TANGO6: variants seen among roughly 807,000 people sequenced by gnomAD.
TANGO6 encodes transport and Golgi organization protein 6 homolog.
A neutral mutation model predicts 114.2 loss-of-function variants in TANGO6; 90 were observed. That is an observed-to-expected ratio of 0.79 (90% CI 0.66 to 0.94). The LOEUF (loss-of-function observed/expected upper bound fraction) is 0.94. Ranked by LOEUF, TANGO6 falls within the 40% of genes least tolerant of loss-of-function variation. The pLI is 0.00. For missense variants in TANGO6, 1,274 were observed against 1,315.3 expected, an observed-to-expected ratio of 0.97 and a Z score of 0.49; for synonymous variants, 477 against 509.8, an observed-to-expected ratio of 0.94 and a Z score of 0.87.
chr16:69,021,886 C>CT (rs757995347), intron 15 of TANGO6, among the ~76,000 whole-genome samples: 1,737 of 127,848 alleles, frequency 0.014, 26 homozygotes, highest in African/African-American at 0.037. Context: ...ATTTTTTTTT[C>CT]TTTTTTTTTT....
At chr16:68,847,151 A>G (rs1441286474) in intron 1 of TANGO6, among the ~76,000 whole-genome samples, 1 of 152,124 alleles carries the variant, frequency 6.6e-6, no homozygotes, top group East Asian at 1.9e-4. Flanking sequence ...CAGCCTCCCA[A>G]AGTGCTGGGA....
chr16:69,072,122 CGT>C (rs10687062), intron 17 of TANGO6, among the ~76,000 whole-genome samples: 1,492 of 116,298 alleles, frequency 0.013, 20 homozygotes, highest in East Asian at 0.053. Context: ...AGAGGGAGAC[CGT>C]GTGTGTGTGT....
chr16:68,920,837 ATAGTATACCCTTGCTGT>A (rs1400261032), intron 12 of TANGO6, among the ~76,000 whole-genome samples: 10 of 152,038 alleles, frequency 6.6e-5, no homozygotes, highest in African/African-American at 2.4e-4. Context: ...TTCTAGAGCC[ATAGTATACCCTTGCTGT>A]TAGAACTGTC....
chr16:69,060,928 G>T (rs959966315), intron 17 of TANGO6, among the ~76,000 whole-genome samples: 2 of 151,752 alleles, frequency 1.3e-5, no homozygotes, highest in African/African-American at 4.8e-5. Context: ...GGAGGCAGAG[G>T]TTACAGTGAG....
intron 12 of TANGO6, among the ~76,000 whole-genome samples, chr16:68,923,893 A>G (rs941969976): frequency 3.9e-5 from 6 of 152,220 alleles, no homozygotes; most frequent in Non-Finnish European, 8.8e-5. Context: ...CCTCACCCAT[A>G]GTGAGCAACC....
At chr16:69,025,180 C>T (rs1222618483) in intron 16 of TANGO6, among the ~76,000 whole-genome samples, 1 of 152,220 alleles carries the variant, frequency 6.6e-6, no homozygotes, top group African/African-American at 2.4e-5. Flanking sequence ...CCCCAGCTCA[C>T]CTGTGTTATA....
At chr16:69,034,223 C>T (rs1390925682) in intron 16 of TANGO6, 1 of 153,146 alleles carries the variant, frequency 6.5e-6, no homozygotes, top group Admixed American at 6.6e-5. Flanking sequence ...TAGCTCTGGG[C>T]TAGTACACCT....
intron 14 of TANGO6, among the ~76,000 whole-genome samples, chr16:68,939,284 G>C (rs940165980): frequency 6.6e-6 from 1 of 152,078 alleles, no homozygotes; most frequent in African/African-American, 2.4e-5. Flanking sequence ...CAGCTACTTG[G>C]GAGGCTGAGG....
At chr16:68,847,828 C>T (rs1961837751) in intron 1 of TANGO6, among the ~76,000 whole-genome samples, 1 of 151,910 alleles carries the variant, frequency 6.6e-6, no homozygotes, top group African/African-American at 2.4e-5. Flanking sequence ...GGCGAAACCC[C>T]GTCTCTACTA....
intron 7 of TANGO6, among the ~76,000 whole-genome samples, chr16:68,882,484 G>A (rs1020698131): frequency 1.5e-4 from 23 of 150,974 alleles, no homozygotes; most frequent in South Asian, 2.1e-4. Flanking sequence ...GTGACAGAGC[G>A]AGACTCCGTC....
At chr16:68,853,829 G>A (rs1335301542) in intron 1 of TANGO6, among the ~76,000 whole-genome samples, 1 of 152,096 alleles carries the variant, frequency 6.6e-6, no homozygotes, top group Non-Finnish European at 1.5e-5. Context: ...CCATTCCAGT[G>A]TATGTAGTGG....
chr16:68,925,448 T>C (rs1963155278), intron 12 of TANGO6, among the ~76,000 whole-genome samples: 2 of 152,252 alleles, frequency 1.3e-5, no homozygotes, highest in Admixed American at 1.3e-4. Flanking sequence ...TTTGCCCATT[T>C]TTAAGTCAGG....
intron 17 of TANGO6, among the ~76,000 whole-genome samples, chr16:69,074,265 CTG>C (rs576659614): frequency 2.0e-5 from 3 of 149,774 alleles, no homozygotes; most frequent in African/African-American, 4.9e-5. Flanking sequence ...ACCATTAGTG[CTG>C]TGTGTGTGTG....
chr16:69,068,122 C>T (rs1960246400), intron 17 of TANGO6, among the ~76,000 whole-genome samples: 3 of 151,350 alleles, frequency 2.0e-5, no homozygotes, highest in East Asian at 3.9e-4. Context: ...GCCTGGGCAA[C>T]AGAGCAAGAC....
In TANGO6 at chr16:68,958,944, TA is replaced by T. The variant is rs574006470; in HGVS notation, c.2702-15077del. ...CAGAGTAAGACCCTGTCTCTAAATT[TA>T]AAAAAACAAGTGTCCTGTTATATCT... On this transcript the variant is annotated intron_variant, in intron 14 of 17. Transcript: ENST00000261778. Among the ~76,000 whole-genome samples, 317 of 151,926 alleles carry T rather than the reference TA, an allele frequency of 2.1e-3. 3 individuals are homozygous for T. Among genetic ancestry groups the T allele is most frequent in the Middle Eastern group, 3.4e-3 (1 of 294 alleles).
chr16:69,075,762 C>CTTTTT (rs751940886), intron 17 of TANGO6, among the ~76,000 whole-genome samples: 1 of 127,574 alleles, frequency 7.8e-6, no homozygotes, highest in Non-Finnish European at 1.7e-5. Context: ...CTGAATTCAA[C>CTTTTT]TTTTTTTTTT....
chr16:69,025,642 C>T (rs1597062816), intron 16 of TANGO6, among the ~76,000 whole-genome samples: 1 of 152,198 alleles, frequency 6.6e-6, no homozygotes, highest in South Asian at 2.1e-4. Context: ...TGTAGCTTAG[C>T]TTTCGGGCTT....
At chr16:68,932,718 A>G (rs1265831039) in intron 14 of TANGO6, among the ~76,000 whole-genome samples, 2 of 152,124 alleles carry the variant, frequency 1.3e-5, no homozygotes, top group Non-Finnish European at 2.9e-5. Context: ...TGAACCCAGG[A>G]GGCCAAGGTT....
chr16:68,906,180 C>CAAAT lies in TANGO6; in HGVS notation c.1668-1244_1668-1241dup, dbSNP rs34156088. Among the ~76,000 whole-genome samples the CAAAT allele has an allele frequency of 7.2e-3, 1,092 of 152,048 alleles. 13 individuals are homozygous for CAAAT. The highest frequency in any genetic ancestry group is 0.025 in the African/African-American group (1,020 of 41,452). On this transcript the variant is annotated intron_variant, in intron 9 of 17. Coordinates refer to ENST00000261778, the MANE Select transcript of TANGO6 (RefSeq NM_024562.2). ...GGGCAACAGGAGCGAGATTCTATCT[C>CAAAT]AAATAAATAAATAAATAAATAATTA...
Sources: gnomAD v4.1 joint callset for allele counts (sites outside exome capture counted in the v4.1 genomes callset) on GRCh38, gnomAD v4.1.1 for gene constraint, MANE v1.5 for transcripts, NCBI Gene and HGNC (gene_info 2026-07-23, HGNC 2026-07-21) for gene names.